The following MOBP variants were observed in gnomAD, a reference collection of about 807,000 sequenced individuals.
MOBP encodes the protein myelin-associated oligodendrocyte basic protein.
Under a neutral mutation model 15.0 loss-of-function variants are expected in MOBP, and 5 were observed. The observed-to-expected ratio is 0.33, with a 90% CI of 0.17 to 0.70. The LOEUF is 0.70. Ranked by LOEUF, MOBP falls within the 30% of genes least tolerant of loss-of-function variation. The pLI, the probability that MOBP is intolerant of heterozygous loss-of-function variation, is 0.67. For synonymous variants in MOBP, 88 were observed against 99.0 expected (o/e 0.89, Z 0.66); for missense variants, 188 against 257.8 (o/e 0.73, Z 1.85).
chr3:39,503,658 T>TTTTATTGTTTA (rs10662939), downstream of MOBP, among the ~76,000 whole-genome samples: 5 of 147,890 alleles, frequency 3.4e-5, no homozygotes, highest in South Asian at 1.1e-3. Flanking sequence ...CTGGCCAATT[T>TTTTATTGTTTA]TTTATTTATT....
downstream of MOBP, among the ~76,000 whole-genome samples, chr3:39,516,205 G>A (rs533825633): frequency 3.3e-5 from 5 of 152,308 alleles, no homozygotes; most frequent in East Asian, 9.6e-4. Flanking sequence ...TGACCACGAA[G>A]GAAGGCAGAG....
intron 1 of MOBP, among the ~76,000 whole-genome samples, chr3:39,473,882 C>T (rs944356275): frequency 3.3e-5 from 5 of 152,200 alleles, no homozygotes; most frequent in African/African-American, 7.2e-5. Flanking sequence ...GAGAGTTAAA[C>T]TAGACTGGCT....
downstream of MOBP, among the ~76,000 whole-genome samples, chr3:39,518,080 A>G (rs1222206047): frequency 6.6e-6 from 1 of 152,222 alleles, no homozygotes; most frequent in Non-Finnish European, 1.5e-5. Flanking sequence ...GTTCTAAAAA[A>G]GTATTAAATC....
At chr3:39,492,548 C>G (rs890622919) in intron 2 of MOBP, among the ~76,000 whole-genome samples, 4 of 152,120 alleles carry the variant, frequency 2.6e-5, no homozygotes, top group Admixed American at 6.5e-5. Flanking sequence ...CTTGTAATAT[C>G]ACATCAATTC....
intron 3 of MOBP, among the ~76,000 whole-genome samples, chr3:39,523,638 T>C (rs867002552): frequency 1.5e-4 from 23 of 152,240 alleles, no homozygotes; most frequent in African/African-American, 5.3e-4. Flanking sequence ...TCTTAACTTA[T>C]GGCCTAAATC....
downstream of MOBP, chr3:39,503,148 G>C (rs2043000801): frequency 6.7e-6 from 3 of 445,768 alleles, no homozygotes; most frequent in South Asian, 1.9e-4. Flanking sequence ...TGAGATTATT[G>C]ACCATGGTAA....
At chr3:39,468,800 A>ACATAT (rs1559411510) in intron 1 of MOBP, among the ~76,000 whole-genome samples, 14 of 122,642 alleles carry the variant, frequency 1.1e-4, no homozygotes, top group East Asian at 6.4e-4. Context: ...GTGTGTATAT[A>ACATAT]TACATATGTG....
intron 2 of MOBP, among the ~76,000 whole-genome samples, chr3:39,487,706 G>T (rs2042736865): frequency 6.6e-6 from 1 of 151,638 alleles, no homozygotes; most frequent in Admixed American, 6.6e-5. Flanking sequence ...TGTATTTTTA[G>T]TAGAGACAGG....
At chr3:39,493,620 G>A (rs1176283129) in intron 2 of MOBP, among the ~76,000 whole-genome samples, 1 of 152,158 alleles carries the variant, frequency 6.6e-6, no homozygotes, top group Admixed American at 6.5e-5. Context: ...TTCTGTATCA[G>A]GCATTGAACA....
intron 2 of MOBP, among the ~76,000 whole-genome samples, chr3:39,487,724 G>A (rs931445262): frequency 4.6e-5 from 7 of 151,608 alleles, no homozygotes; most frequent in Admixed American, 6.6e-5. Flanking sequence ...AGGTTTCACC[G>A]TGTTAGTCAG....
intron 2 of MOBP, among the ~76,000 whole-genome samples, chr3:39,487,225 G>A (rs1421065381): frequency 1.3e-5 from 2 of 152,072 alleles, no homozygotes; most frequent in East Asian, 1.9e-4. Flanking sequence ...TTACAGGCAT[G>A]AGCTACCATG....
At chr3:39,510,071 A>C (rs1412962168) in intron 4 of MOBP, among the ~76,000 whole-genome samples, 4 of 152,096 alleles carry the variant, frequency 2.6e-5, no homozygotes, top group Non-Finnish European at 4.4e-5. Context: ...AATTATTTCA[A>C]CATCATTTGT....
chr3:39,508,851 C>T (rs62243410), intron 4 of MOBP, among the ~76,000 whole-genome samples: 2 of 152,216 alleles, frequency 1.3e-5, no homozygotes, highest in Admixed American at 1.3e-4. Flanking sequence ...CTGGCCCCAA[C>T]ATTTTAATCT....
At chr3:39,506,692 G>C (rs981231179), downstream of MOBP, among the ~76,000 whole-genome samples, 2 of 152,188 alleles carry the variant, frequency 1.3e-5, no homozygotes, top group Non-Finnish European at 2.9e-5. Flanking sequence ...TTAAGGAGAT[G>C]GCAAAGTGGA....
chr3:39,516,816 C>G (rs2043207808), downstream of MOBP, among the ~76,000 whole-genome samples: 1 of 152,160 alleles, frequency 6.6e-6, no homozygotes, highest in Admixed American at 6.5e-5. Context: ...AATGCAGAGT[C>G]TAATTTTCCC....
downstream of MOBP, among the ~76,000 whole-genome samples, chr3:39,504,586 A>G (rs1559425305): frequency 6.6e-6 from 1 of 152,274 alleles, no homozygotes; most frequent in African/African-American, 2.4e-5. Flanking sequence ...ACCTGGGAAC[A>G]GAGGATCTGA....
At chr3:39,477,766 G>C (rs370890586) in intron 1 of MOBP, among the ~76,000 whole-genome samples, 7 of 151,656 alleles carry the variant, frequency 4.6e-5, no homozygotes, top group Non-Finnish European at 1.0e-4. Flanking sequence ...AGAAGACAGT[G>C]ATATTGACTA....
chr3:39,499,956 CCT>C (rs1192816221), intron 2 of MOBP: 3 of 451,424 alleles, frequency 6.6e-6, no homozygotes, highest in Non-Finnish European at 8.9e-6. Flanking sequence ...AACATATTGC[CCT>C]CTCTTCTGTG....
chr3:39,479,821 T>C (rs1212619427), intron 1 of MOBP, among the ~76,000 whole-genome samples: 2 of 149,668 alleles, frequency 1.3e-5, no homozygotes, highest in Non-Finnish European at 3.0e-5. Context: ...TTTTTTTTTT[T>C]CTGTATAATG....
Sources: allele counts gnomAD v4.1 joint callset (sites outside exome capture counted in the v4.1 genomes callset), GRCh38; gene constraint gnomAD v4.1.1; transcripts MANE v1.5; gene names NCBI Gene and HGNC (gene_info 2026-07-23, HGNC 2026-07-21).